WDPCP: variants seen among roughly 807,000 people sequenced by gnomAD.
WDPCP encodes WD repeat containing planar cell polarity effector.
WDPCP carries 71 observed loss-of-function variants against 93.1 expected under a neutral mutation model. The observed-to-expected ratio is 0.76, with a 90% CI of 0.63 to 0.93. WDPCP has a LOEUF of 0.93. Ranked by LOEUF, WDPCP falls within the 40% of genes least tolerant of loss-of-function variation. The pLI, the probability that WDPCP is intolerant of heterozygous loss-of-function variation, is 0.00. For missense variants in WDPCP, 844 were observed against 887.4 expected, an observed-to-expected ratio of 0.95 and a Z score of 0.62; for synonymous variants, 315 against 315.0, an observed-to-expected ratio of 1.00 and a Z score of 0.00.
chr2:63,481,160 A>G (rs1392204444), intron 6 of WDPCP, among the ~76,000 whole-genome samples: 1 of 152,186 alleles, frequency 6.6e-6, no homozygotes, highest in Non-Finnish European at 1.5e-5. Flanking sequence ...ACTAATGATC[A>G]GGGAAATGCA....
At chr2:63,796,076 A>C (rs1670611281) in intron 2 of WDPCP, among the ~76,000 whole-genome samples, 1 of 152,142 alleles carries the variant, frequency 6.6e-6, no homozygotes, top group Non-Finnish European at 1.5e-5. Context: ...TTTCTGGTAA[A>C]GGTTTCTCTA....
chr2:63,589,052 T>C, upstream of WDPCP: 1 of 1,614,048 alleles, frequency 6.2e-7, no homozygotes, highest in South Asian at 1.1e-5. Flanking sequence ...TCATGGTGAG[T>C]GTGGGCCCCG....
chr2:63,142,974 A>G (rs1337765229), intron 17 of WDPCP, among the ~76,000 whole-genome samples: 2 of 152,024 alleles, frequency 1.3e-5, no homozygotes, highest in East Asian at 3.9e-4. Flanking sequence ...ATATTTTGAG[A>G]CAGAGTTTTG....
intron 2 of WDPCP, among the ~76,000 whole-genome samples, chr2:63,670,112 A>G (rs1710326527): frequency 6.6e-6 from 1 of 152,222 alleles, no homozygotes; most frequent in African/African-American, 2.4e-5. Context: ...AGCCACAGAG[A>G]GCACAATCTG....
chr2:63,751,810 C>T lies in WDPCP; in HGVS notation n.308+61812G>A, dbSNP rs1575764505. On this transcript the variant is annotated intron_variant and non_coding_transcript_variant, in intron 2 of 4. Coordinates refer to the WDPCP transcript ENST00000467687. Reference sequence around the variant, plus strand: ...CCACAGTGCTTCTGCTTCCATAGTTCTCCCATTCATGGGTCCAAAATTTGA... The same window carrying T: ...CCACAGTGCTTCTGCTTCCATAGTTTTCCCATTCATGGGTCCAAAATTTGA... 12 of 661,184 alleles carry T rather than the reference C, an allele frequency of 1.8e-5. No homozygotes were observed. The East Asian group carries it at 3.5e-4, about 19-fold the overall frequency. The allele number at this position is 661,184 out of a possible 1,614,324, so 41.0% of individuals were successfully genotyped here.
At chr2:63,405,726 T>G in intron 9 of WDPCP, among the ~76,000 whole-genome samples, 1 of 152,036 alleles carries the variant, frequency 6.6e-6, no homozygotes, top group Non-Finnish European at 1.5e-5. Context: ...TGGAACACAA[T>G]GCAGAAGAAC....
chr2:63,775,405 A>G (rs1431643566), intron 2 of WDPCP, among the ~76,000 whole-genome samples: 1 of 152,224 alleles, frequency 6.6e-6, no homozygotes, highest in Non-Finnish European at 1.5e-5. Flanking sequence ...GCTGTCTACA[A>G]CACTGCTCCT....
At chr2:63,147,214 G>A (rs1671577979) in intron 17 of WDPCP, among the ~76,000 whole-genome samples, 1 of 152,130 alleles carries the variant, frequency 6.6e-6, no homozygotes, top group South Asian at 2.1e-4. Flanking sequence ...GGAGGGGAAT[G>A]ATACTTAGGT....
chr2:63,616,833 G>C (rs1195158372), intron 3 of WDPCP, among the ~76,000 whole-genome samples: 1 of 152,178 alleles, frequency 6.6e-6, no homozygotes, highest in Non-Finnish European at 1.5e-5. Context: ...TTTAAAGCTA[G>C]AAGAAACTTT....
At chr2:63,653,198 T>G (rs953090410) in intron 2 of WDPCP, among the ~76,000 whole-genome samples, 2 of 152,164 alleles carry the variant, frequency 1.3e-5, no homozygotes, top group African/African-American at 4.8e-5. Flanking sequence ...GAAATCTATA[T>G]AGAGGTCCTT....
At chr2:63,477,034 T>C (rs1700012655) in intron 6 of WDPCP, among the ~76,000 whole-genome samples, 1 of 152,178 alleles carries the variant, frequency 6.6e-6, no homozygotes, top group Non-Finnish European at 1.5e-5. Context: ...ATTATATACT[T>C]TTATAGTTAA....
intron 14 of WDPCP, among the ~76,000 whole-genome samples, chr2:63,252,276 GGAACAGACCTCAAA>G (rs1273259415): frequency 2.0e-5 from 3 of 152,110 alleles, no homozygotes; most frequent in Non-Finnish European, 4.4e-5. Flanking sequence ...AGGCATAGAA[GGAACAGACCTCAAA>G]GTAAGAGCCA....
At position 63,433,790 on chromosome 2, in the gene WDPCP, G is replaced by A. The variant is rs758933889; in HGVS notation, c.780C>T (p.Asp260=). ...AACCCAGGAGGAGTAGATTGGCTCTGTCCTTCTCAGAAGAAATGGGGGCCC... is the reference window on the plus strand; with the variant it reads ...AACCCAGGAGGAGTAGATTGGCTCTATCCTTCTCAGAAGAAATGGGGGCCC... ...WPWAPISSEK[D]RANLLLLGYA... The change falls in exon 9 of 18, where the codon GAC becomes GAT. Residue 260 remains aspartate, a synonymous_variant. Transcript: ENST00000272321. 1 of 1,612,246 alleles carries A rather than the reference G, an allele frequency of 6.2e-7. No homozygotes were observed. Among genetic ancestry groups the A allele is most frequent in the Admixed American group, 1.7e-5 (1 of 59,954 alleles).
At chr2:63,556,617 T>C (rs1429269068) in intron 1 of WDPCP, among the ~76,000 whole-genome samples, 4 of 152,218 alleles carry the variant, frequency 2.6e-5, no homozygotes, top group Admixed American at 6.5e-5. Context: ...TGAAGAGGTG[T>C]TGAAATCTTT....
intron 2 of WDPCP, among the ~76,000 whole-genome samples, chr2:63,751,206 C>T (rs2103883023): frequency 6.6e-6 from 1 of 152,116 alleles, no homozygotes; most frequent in Admixed American, 6.5e-5. Context: ...TTTCAAAGAA[C>T]TTATCCATTT....
At chr2:63,196,753 C>A (rs537171896) in intron 14 of WDPCP, among the ~76,000 whole-genome samples, 1 of 152,122 alleles carries the variant, frequency 6.6e-6, no homozygotes, top group Non-Finnish European at 1.5e-5. Flanking sequence ...AAGTGCTTGA[C>A]TCTTGGGGAA....
chr2:63,416,547 G>A (rs1457010102), intron 9 of WDPCP, among the ~76,000 whole-genome samples: 7 of 54,706 alleles, frequency 1.3e-4, no homozygotes, highest in Non-Finnish European at 2.2e-4. Flanking sequence ...TTTTTGAGAC[G>A]GAGTCTCGCC....
intron 2 of WDPCP, among the ~76,000 whole-genome samples, chr2:63,812,614 G>A (rs554977733): frequency 4.9e-4 from 74 of 152,042 alleles, no homozygotes; most frequent in Non-Finnish European, 9.6e-4. Flanking sequence ...CATTCTGCCT[G>A]TCCACACTTT....
chr2:63,500,637 C>CA (rs1241970906), intron 1 of WDPCP, among the ~76,000 whole-genome samples: 1 of 152,040 alleles, frequency 6.6e-6, no homozygotes, highest in Non-Finnish European at 1.5e-5. Flanking sequence ...GGCTGTAAGC[C>CA]AAAAATGCCT....
Sources: gnomAD v4.1 joint callset for allele counts (sites outside exome capture counted in the v4.1 genomes callset) on GRCh38, gnomAD v4.1.1 for gene constraint, MANE v1.5 for transcripts, NCBI Gene and HGNC (gene_info 2026-07-23, HGNC 2026-07-21) for gene names.